TCF12: variants seen among roughly 807,000 people sequenced by gnomAD.
TCF12 encodes the protein DNA-binding protein HTF4.
Under a neutral mutation model 86.0 loss-of-function variants are expected in TCF12, and 45 were observed. The ratio of observed to expected loss-of-function variants is 0.52; its 90% CI spans 0.41 to 0.67. The LOEUF (loss-of-function observed/expected upper bound fraction) is 0.67, where lower values mean the gene tolerates loss of function less well. Among genes scored for constraint, TCF12 ranks in the 30% least tolerant of loss-of-function variants. The pLI is 0.00. For synonymous variants in TCF12, 330 were observed against 299.6 expected (o/e 1.10, Z -1.05); for missense variants, 881 against 859.9 (o/e 1.02, Z -0.31).
chr15:57,159,149 G>C (rs1369352267), intron 5 of TCF12, among the ~76,000 whole-genome samples: 2 of 152,226 alleles, frequency 1.3e-5, no homozygotes, highest in African/African-American at 4.8e-5. Context: ...GGGTCTGTGT[G>C]AGGTACATGT....
chr15:57,044,289 C>T (rs1207560077), intron 3 of TCF12, among the ~76,000 whole-genome samples: 1 of 152,056 alleles, frequency 6.6e-6, no homozygotes, highest in Non-Finnish European at 1.5e-5. Flanking sequence ...CAGCCGGGCA[C>T]AGTGGGTCAC....
chr15:57,119,841 C>T (rs1469615428), intron 5 of TCF12, among the ~76,000 whole-genome samples: 1 of 152,126 alleles, frequency 6.6e-6, no homozygotes, highest in African/African-American at 2.4e-5. Flanking sequence ...TTAAAAAAAT[C>T]AGTTGTTTAC....
At chr15:57,175,144 A>G (rs187434652) in intron 6 of TCF12, among the ~76,000 whole-genome samples, 2 of 152,280 alleles carry the variant, frequency 1.3e-5, no homozygotes, top group African/African-American at 4.8e-5. Flanking sequence ...CCAGGAGTTC[A>G]AATTGCCTGG....
Position 57,100,837 on chromosome 15 carries a change from T to A in TCF12, c.325+8946T>A, listed in dbSNP as rs534867261. 1.0e-3 allele frequency among the ~76,000 whole-genome samples: 153 copies of A among 152,300 alleles called. 2 individuals are homozygous for A. The highest frequency in any genetic ancestry group is 1.5e-3 in the Non-Finnish European group (100 of 68,022). On this transcript the variant is annotated intron_variant, in intron 5 of 20. Transcript: ENST00000333725. ...AAGTTTTAATTAGCCATCAAAATAATTTTTTAAAAAAATTTGAAAGCATAT... is the reference window on the plus strand; with the variant it reads ...AAGTTTTAATTAGCCATCAAAATAAATTTTTAAAAAAATTTGAAAGCATAT...
At chr15:57,098,564 G>T (rs914883406) in intron 5 of TCF12, among the ~76,000 whole-genome samples, 1 of 152,136 alleles carries the variant, frequency 6.6e-6, no homozygotes, top group South Asian at 2.1e-4. Context: ...TTATTTTAGT[G>T]TGATAGAGGG....
chr15:56,980,681 C>A (rs191024941), intron 3 of TCF12, among the ~76,000 whole-genome samples: 1 of 152,330 alleles, frequency 6.6e-6, no homozygotes, highest in Admixed American at 6.5e-5. Flanking sequence ...ACTCCCACTA[C>A]TGTGACAGCC....
chr15:57,096,039 C>T (rs544488687), intron 5 of TCF12, among the ~76,000 whole-genome samples: 1 of 152,258 alleles, frequency 6.6e-6, no homozygotes, highest in South Asian at 2.1e-4. Flanking sequence ...TTCCATTAGG[C>T]CACACTGTTT....
At chr15:56,919,772 C>A in intron 1 of TCF12, 120 bp from the exon 2 acceptor site, 2 of 826,432 alleles carry the variant, frequency 2.4e-6, no homozygotes, top group East Asian at 2.9e-5. Flanking sequence ...GAGTCGGGGT[C>A]CTGGAAGTCA....
In TCF12 at chr15:57,229,741, G is replaced by A. The variant is rs77482055; in HGVS notation, c.580-1411G>A. Among the ~76,000 whole-genome samples, 331 of 151,928 alleles carry A rather than the reference G, an allele frequency of 2.2e-3. 2 individuals carry two copies. The highest frequency in any genetic ancestry group is 7.5e-3 in the African/African-American group (311 of 41,512). On this transcript the variant is annotated intron_variant, in intron 8 of 20. Transcript: ENST00000333725. Reference sequence around the variant, plus strand: ...CTTATTGCCTGCATACTTCGTACAAGGCACTGTGCTAAACATTTTATATAT... The same window carrying A: ...CTTATTGCCTGCATACTTCGTACAAAGCACTGTGCTAAACATTTTATATAT...
At chr15:57,205,446 A>C (rs2057764802) in intron 8 of TCF12, among the ~76,000 whole-genome samples, 1 of 152,224 alleles carries the variant, frequency 6.6e-6, no homozygotes, top group Non-Finnish European at 1.5e-5. Flanking sequence ...CTTGAACATG[A>C]GTTAGAATAG....
At chr15:57,021,587 A>C (rs1337289498) in intron 3 of TCF12, among the ~76,000 whole-genome samples, 1 of 152,186 alleles carries the variant, frequency 6.6e-6, no homozygotes, top group Non-Finnish European at 1.5e-5. Context: ...ATAGGGCAGC[A>C]CCAAGGATAA....
intron 6 of TCF12, among the ~76,000 whole-genome samples, chr15:57,170,689 A>ATGTT (rs71113072): frequency 8.5e-5 from 2 of 23,556 alleles, no homozygotes; most frequent in Admixed American, 8.4e-4. Context: ...TATTATATAT[A>ATGTT]ATATATATTA....
chr15:56,961,804 A>G (rs536342971), intron 3 of TCF12, among the ~76,000 whole-genome samples: 3 of 152,234 alleles, frequency 2.0e-5, no homozygotes, highest in South Asian at 4.2e-4. Context: ...ATATAAATGT[A>G]TGTTATGTGA....
intron 6 of TCF12, among the ~76,000 whole-genome samples, chr15:57,187,607 C>T (rs2056750587): frequency 6.6e-6 from 1 of 152,054 alleles, no homozygotes; most frequent in Admixed American, 6.6e-5. Flanking sequence ...GCCACGTAAC[C>T]CACAGGCTGT....
upstream of TCF12, chr15:56,918,389 CGAGG>C: frequency 2.7e-6 from 1 of 371,886 alleles, no homozygotes; most frequent in East Asian, 8.2e-5. Context: ...GAGGCCCGGA[CGAGG>C]CTTCGTCGGC....
intron 16 of TCF12, among the ~76,000 whole-genome samples, chr15:57,254,816 C>T (rs1160767030): frequency 4.1e-5 from 3 of 73,182 alleles, no homozygotes; most frequent in Non-Finnish European, 1.3e-4. Flanking sequence ...CATGTTCATG[C>T]TACTGCACTC....
intron 3 of TCF12, among the ~76,000 whole-genome samples, chr15:57,012,595 A>ATTTC (rs1252054649): frequency 6.6e-6 from 1 of 152,216 alleles, no homozygotes; most frequent in Non-Finnish European, 1.5e-5. Flanking sequence ...ACATCTGTGA[A>ATTTC]ACAGAGGGGA....
chr15:56,920,008 C>T lies in TCF12; in HGVS notation c.75+20C>T, dbSNP rs1012692677. 3.7e-6 allele frequency: 6 copies of T among 1,613,552 alleles called. No individual in the cohort carries two copies. Among genetic ancestry groups the T allele is most frequent in the African/African-American group, 1.3e-5 (1 of 74,978 alleles). On this transcript the variant is annotated intron_variant, in intron 2 of 20. Transcript: ENST00000333725. ...AGTGCGGTATGAGAGCTTTCCATGG[C>T]ATCTTGGGGTTCTGCTGAGGTTTTT...
intron 4 of TCF12, among the ~76,000 whole-genome samples, chr15:57,080,938 C>T (rs796333694): frequency 7.9e-5 from 12 of 152,238 alleles, no homozygotes; most frequent in African/African-American, 2.9e-4. Flanking sequence ...ACTACTGTAC[C>T]TATTCCCACC....
Sources: gnomAD v4.1 joint callset for allele counts (sites outside exome capture counted in the v4.1 genomes callset) on GRCh38, gnomAD v4.1.1 for gene constraint, MANE v1.5 for transcripts, NCBI Gene and HGNC (gene_info 2026-07-23, HGNC 2026-07-21) for gene names.